LMX1B: variants seen among roughly 807,000 people sequenced by gnomAD.
The protein encoded by LMX1B is LIM homeobox transcription factor 1 beta.
Under a neutral mutation model 51.4 loss-of-function variants are expected in LMX1B, and 12 were observed. The observed-to-expected ratio is 0.23, with a 90% confidence interval of 0.15 to 0.38. The LOEUF is 0.38. LMX1B is among the 10% of genes least tolerant of loss of function. LMX1B has a pLI of 1.00. For synonymous variants in LMX1B, 237 were observed against 235.4 expected, an observed-to-expected ratio of 1.01 and a Z score of -0.06; for missense variants, 445 against 571.1, an observed-to-expected ratio of 0.78 and a Z score of 2.25.
chr9:126,668,618 T>A lies in LMX1B; in HGVS notation c.327-22218T>A, dbSNP rs373434846. On this transcript the variant is annotated intron_variant, in intron 2 of 7. Transcript: ENST00000373474. ...ACAGGCGTGCACCACCACACCCAGC[T>A]AATTTTTGTATTTTTAGTAGAGACA... is the stretch of plus-strand genomic sequence containing the variant. Among the ~76,000 whole-genome samples, 25 of 152,196 alleles carry A rather than the reference T, an allele frequency of 1.6e-4. No individual in the cohort carries two copies. The South Asian group carries it at 5.0e-3, about 30-fold the overall frequency.
At chr9:126,693,046 C>G in intron 3 of LMX1B, 96 bp from the exon 4 acceptor site, 6 of 1,301,736 alleles carry the variant, frequency 4.6e-6, no homozygotes, top group Non-Finnish European at 6.4e-6. Context: ...ACAGAGGGGA[C>G]AGGCTCCCAT....
intron 2 of LMX1B, among the ~76,000 whole-genome samples, chr9:126,638,260 C>T (rs907215566): frequency 6.6e-6 from 1 of 152,200 alleles, no homozygotes; most frequent in African/African-American, 2.4e-5. Context: ...CCCAGGTGCA[C>T]CTGCCCATCT....
rs558624403 is a variant in LMX1B, at chr9:126,661,704, GC to G, written c.327-29129del. Among the ~76,000 whole-genome samples the G allele has an allele frequency of 2.8e-3, 428 of 152,232 alleles. 3 individuals carry two copies. Among genetic ancestry groups the G allele is most frequent in the African/African-American group, 9.1e-3 (377 of 41,570 alleles). On this transcript the variant is annotated intron_variant, in intron 2 of 7. Transcript: ENST00000373474. ...TGCCAGCCTGCAGTGTGGCTGCGGG[GC>G]CCGAGTTGAGCAGGCACCTGAGAAT...
At chr9:126,619,985 A>G (rs1835378162) in intron 2 of LMX1B, among the ~76,000 whole-genome samples, 1 of 152,156 alleles carries the variant, frequency 6.6e-6, no homozygotes, top group Non-Finnish European at 1.5e-5. Flanking sequence ...AAGTATTCTT[A>G]TAAGGACTTG....
intron 2 of LMX1B, among the ~76,000 whole-genome samples, chr9:126,655,999 C>T (rs1243331986): frequency 2.0e-5 from 3 of 152,100 alleles, no homozygotes; most frequent in South Asian, 2.1e-4. Context: ...CTAGAGTGTA[C>T]GGGGGAAGTA....
chr9:126,617,793 G>C (rs779752331), intron 2 of LMX1B, among the ~76,000 whole-genome samples: 10 of 152,026 alleles, frequency 6.6e-5, no homozygotes, highest in Admixed American at 2.0e-4. Flanking sequence ...GCTGAAGCCT[G>C]GGGTGGGGAG....
At chr9:126,655,372 C>T (rs187199912) in intron 2 of LMX1B, among the ~76,000 whole-genome samples, 4 of 146,036 alleles carry the variant, frequency 2.7e-5, no homozygotes, top group Admixed American at 6.7e-5. Context: ...AGGAGAATGC[C>T]GGTGGGGGTG....
At chr9:126,617,300 C>G (rs1385222515) in intron 2 of LMX1B, among the ~76,000 whole-genome samples, 1 of 151,932 alleles carries the variant, frequency 6.6e-6, no homozygotes, top group Admixed American at 6.6e-5. Context: ...GCCACTTACA[C>G]CCAGCTCAGC....
rs943797762 is a variant in LMX1B at position 126,615,707 on chromosome 9, C to T, written c.326+138C>T. On this transcript the variant is annotated intron_variant, in intron 2 of 7. Transcript: ENST00000373474. The surrounding 1 kb of genome is among the most constrained non-coding windows in gnomAD (Gnocchi z 6.0). ...CGGGCAGCTCCAAGGGTTCCGAGAG[C>T]TGCGCGTCTTGGGGCTGGGGCGGAC... is the stretch of plus-strand genomic sequence containing the variant. The T allele has an allele frequency of 3.9e-6, 3 of 762,384 alleles. No homozygotes were observed. The African/African-American group carries it at 5.7e-5, about 14-fold the overall frequency. The allele number at this position is 762,384 out of a possible 1,614,324, so 47.2% of individuals were successfully genotyped here.
chr9:126,657,012 G>A (rs560672614), intron 2 of LMX1B, among the ~76,000 whole-genome samples: 1 of 152,154 alleles, frequency 6.6e-6, no homozygotes, highest in East Asian at 1.9e-4. Context: ...TTTTCCTATT[G>A]CCTGATGAAA....
At chr9:126,651,878 TACAAGCCAGGGGCCTAGGTGGAGG>T (rs1836016343) in intron 2 of LMX1B, among the ~76,000 whole-genome samples, 1 of 152,140 alleles carries the variant, frequency 6.6e-6, no homozygotes, top group Non-Finnish European at 1.5e-5. Context: ...AGTAGGACCC[TACAAGCCAGGGGCCTAGGTGGAGG>T]ATCCCACAAT....
At chr9:126,666,563 G>A (rs927647724) in intron 2 of LMX1B, among the ~76,000 whole-genome samples, 13 of 119,380 alleles carry the variant, frequency 1.1e-4, no homozygotes, top group Admixed American at 7.5e-4. Flanking sequence ...GAGAAAAACA[G>A]GTTGTTAATA....
rs1290371392 is a variant in LMX1B at position 126,677,020 on chromosome 9, G to A, written c.327-13816G>A. Among the ~76,000 whole-genome samples the A allele has an allele frequency of 6.6e-6, 1 of 152,184 alleles. No homozygotes were observed. Among genetic ancestry groups the A allele is most frequent in the Admixed American group, 6.5e-5 (1 of 15,290 alleles). ...GCGGCCGGGCGGGCGGTGATTAAGC[G>A]GCTCAGGCAGGCAGCGGGCGGCTGG... is the stretch of plus-strand genomic sequence containing the variant. On this transcript the variant is annotated intron_variant, in intron 2 of 7. Transcript: ENST00000373474. This position sits in a 1 kb window ranked among gnomAD's most constrained non-coding sequence, Gnocchi z 5.0.
chr9:126,662,697 C>T (rs1002207390), intron 2 of LMX1B, among the ~76,000 whole-genome samples: 2 of 152,188 alleles, frequency 1.3e-5, no homozygotes, highest in Non-Finnish European at 2.9e-5. Context: ...GGAGCAGGCC[C>T]CAAGCTGGGC....
At chr9:126,696,145 A>G in intron 7 of LMX1B, 142 bp downstream of exon 7, 1 of 1,150,320 alleles carries the variant, frequency 8.7e-7, no homozygotes. Context: ...CCCTGCTGAC[A>G]GGAAGGGCCC....
Position 126,618,635 on chromosome 9 carries a change from A to C in LMX1B, c.326+3066A>C, listed in dbSNP as rs569181123. On this transcript the variant is annotated intron_variant, in intron 2 of 7. Transcript: ENST00000373474. The surrounding 1 kb of genome is among the most constrained non-coding windows in gnomAD (Gnocchi z 4.5). ...AACACCTCTCACCGTCCTCCACCGGAGAACAAATGAAAAATAAGGCACTTT... is the reference window on the plus strand; with the variant it reads ...AACACCTCTCACCGTCCTCCACCGGCGAACAAATGAAAAATAAGGCACTTT... Among the ~76,000 whole-genome samples the C allele has an allele frequency of 2.0e-3, 312 of 152,284 alleles. No individual in the cohort carries two copies. The highest frequency in any genetic ancestry group is 3.0e-3 in the Non-Finnish European group (207 of 68,020).
intron 2 of LMX1B, among the ~76,000 whole-genome samples, chr9:126,665,164 C>T (rs542356665): frequency 2.1e-4 from 32 of 152,350 alleles, no homozygotes; most frequent in Middle Eastern, 3.4e-3. Flanking sequence ...TCCATGCCTT[C>T]GCGCCTCTCT....
chr9:126,665,949 G>A (rs941796402), intron 2 of LMX1B, among the ~76,000 whole-genome samples: 9 of 152,272 alleles, frequency 5.9e-5, no homozygotes, highest in African/African-American at 1.9e-4. Context: ...TGTGCGGAGA[G>A]GCTGAGATGT....
At chr9:126,651,988 A>G (rs1247361245) in intron 2 of LMX1B, among the ~76,000 whole-genome samples, 1 of 138,806 alleles carries the variant, frequency 7.2e-6, no homozygotes, top group Non-Finnish European at 1.6e-5. Context: ...AAGCCTCGGT[A>G]GTGGCCAGAG....
Sources: allele counts gnomAD v4.1 joint callset (sites outside exome capture counted in the v4.1 genomes callset), GRCh38; gene constraint gnomAD v4.1.1; non-coding constraint Gnocchi (gnomAD v3.1); transcripts MANE v1.5; gene names NCBI Gene and HGNC (gene_info 2026-07-23, HGNC 2026-07-21).